TENT5C: variants seen among roughly 807,000 people sequenced by gnomAD.
TENT5C encodes the protein terminal nucleotidyltransferase 5C.
A neutral mutation model predicts 22.2 loss-of-function variants in TENT5C; 5 were observed. The ratio of observed to expected loss-of-function variants is 0.22; its 90% CI spans 0.12 to 0.47. TENT5C has a LOEUF of 0.47. Ranked by LOEUF, TENT5C falls within the 20% of genes least tolerant of loss-of-function variation. The pLI is 0.99. For synonymous variants in TENT5C, 199 were observed against 195.4 expected (o/e 1.02, Z -0.15); for missense variants, 364 against 500.9 (o/e 0.73, Z 2.61).
chr1:117,617,192 C>G (rs1653800996), intron 1 of TENT5C, among the ~76,000 whole-genome samples: 1 of 151,804 alleles, frequency 6.6e-6, no homozygotes, highest in Non-Finnish European at 1.5e-5. Flanking sequence ...TGAAGCAGGA[C>G]TAGAAATAGC....
At chr1:117,608,416 C>T (rs751503568) in intron 1 of TENT5C, among the ~76,000 whole-genome samples, 1 of 152,156 alleles carries the variant, frequency 6.6e-6, no homozygotes, top group South Asian at 2.1e-4. Flanking sequence ...CCCCATAGTG[C>T]ACACATTCAG....
intron 1 of TENT5C, among the ~76,000 whole-genome samples, chr1:117,618,621 T>C (rs913500515): frequency 1.3e-5 from 2 of 152,062 alleles, no homozygotes; most frequent in Admixed American, 6.6e-5. Context: ...AAAAAGGGGA[T>C]TGAAGAAGTT....
At chr1:117,608,763 CTT>C (rs5777320) in intron 1 of TENT5C, among the ~76,000 whole-genome samples, 12,179 of 138,572 alleles carry the variant, frequency 0.088, 564 homozygotes, top group East Asian at 0.18. Context: ...TGAGTTGAAC[CTT>C]TTTTTTTTTT....
At position 117,625,059 on chromosome 1, in the gene TENT5C, C is replaced by G. The variant is rs1286960964; in HGVS notation, c.*1015C>G. The G allele has an allele frequency of 3.2e-5, 8 of 247,496 alleles. No individual in the cohort carries two copies. In the East Asian group the frequency reaches 4.8e-4, roughly 15 times the overall value. 15.3% of individuals were successfully genotyped at this position (247,496 alleles called of 1,614,324 possible). Reference sequence around the variant, plus strand: ...TGGTCACATTCCAAGTATGACACAGCTGTTCTTCTGGAGTACTTTAGCTAT... The same window carrying G: ...TGGTCACATTCCAAGTATGACACAGGTGTTCTTCTGGAGTACTTTAGCTAT... On this transcript the variant is annotated 3_prime_UTR_variant, in exon 2 of 2. Transcript: ENST00000369448.
Position 117,623,225 on chromosome 1 carries a change from C to G in TENT5C, c.357C>G (p.Phe119Leu). The G allele has an allele frequency of 6.2e-7, 1 of 1,614,152 alleles. No individual in the cohort carries two copies. Among genetic ancestry groups the G allele is most frequent in the Non-Finnish European group, 8.5e-7 (1 of 1,180,034 alleles). Residue 119 changes from phenylalanine to leucine, a missense_variant, in exon 2 of 2, where the codon TTC becomes TTG. This residue lies in a region of TENT5C where 303 missense variants were observed against 394.5 expected (regional missense o/e 0.77). Coordinates refer to ENST00000369448, the MANE Select transcript of TENT5C (RefSeq NM_017709.4). ...RDVVLCSLLN[F>L]LPEGVNKLKI... The stretch of plus-strand genomic sequence containing the variant: ...TGGTTCTGTGTTCCCTTCTGAACTT[C>G]CTGCCAGAGGGTGTGAACAAGCTCA...
intron 1 of TENT5C, among the ~76,000 whole-genome samples, chr1:117,612,587 C>G (rs1276585373): frequency 6.6e-6 from 1 of 152,186 alleles, no homozygotes; most frequent in African/African-American, 2.4e-5. Context: ...TAAACATGAG[C>G]TGCTGCTATG....
At chr1:117,618,398 T>G (rs11464707) in intron 1 of TENT5C, among the ~76,000 whole-genome samples, 26,086 of 146,774 alleles carry the variant, frequency 0.18, 2,312 homozygotes, top group Admixed American at 0.26. Flanking sequence ...GAGTCTGAGG[T>G]TTTTTTTTAA....
rs1654009579 is a variant in TENT5C, at chr1:117,626,273, G to T, written c.*2229G>T. 4.0e-6 allele frequency: 1 copy of T among 247,822 alleles called. No individual in the cohort carries two copies. Among genetic ancestry groups the T allele is most frequent in the African/African-American group, 2.2e-5 (1 of 45,374 alleles). 15.4% of individuals were successfully genotyped at this position (247,822 alleles called of 1,614,324 possible). A position where few individuals can be genotyped will look rare whatever the true frequency, so the allele number is the denominator to read the frequency against. ...ATTAAATTTCCAGTTTGTCCTTGGG[G>T]TTCTTTCTGCTTATGTTTTTTCCCC... On this transcript the variant is annotated 3_prime_UTR_variant, in exon 2 of 2. Transcript: ENST00000369448.
chr1:117,615,886 A>G (rs146049776), intron 1 of TENT5C, among the ~76,000 whole-genome samples: 105 of 152,336 alleles, frequency 6.9e-4, no homozygotes, highest in African/African-American at 2.3e-3. Context: ...GGGACGGGGC[A>G]ATGGAAAGAC....
intron 1 of TENT5C, among the ~76,000 whole-genome samples, chr1:117,609,563 G>A (rs1427160419): frequency 6.6e-6 from 1 of 152,200 alleles, no homozygotes; most frequent in East Asian, 1.9e-4. Context: ...TGCTTCCTAG[G>A]CAGTAGCTAG....
chr1:117,606,229 G>A (rs930124032), intron 1 of TENT5C, 76 bp downstream of exon 1: 1 of 152,114 alleles, frequency 6.6e-6, no homozygotes, highest in South Asian at 2.1e-4. Flanking sequence ...CTCACTTAGT[G>A]GGGGTCCGCC....
chr1:117,607,995 A>G (rs1483848890), intron 1 of TENT5C, among the ~76,000 whole-genome samples: 2 of 152,124 alleles, frequency 1.3e-5, no homozygotes, highest in Admixed American at 1.3e-4. Flanking sequence ...TATTCTCAAT[A>G]AAGAGTTTTT....
intron 1 of TENT5C, among the ~76,000 whole-genome samples, chr1:117,615,646 G>T (rs766302683): frequency 1.2e-4 from 19 of 152,198 alleles, no homozygotes; most frequent in Non-Finnish European, 2.8e-4. Context: ...ATTAGCACCT[G>T]CCAGAGAAAA....
intron 1 of TENT5C, among the ~76,000 whole-genome samples, chr1:117,613,773 G>C (rs1653719424): frequency 6.6e-6 from 1 of 152,208 alleles, no homozygotes; most frequent in African/African-American, 2.4e-5. Context: ...GACGCTGGCT[G>C]AATGCAATGG....
At position 117,627,900 on chromosome 1, in the gene TENT5C, T is replaced by G. The variant is rs1241098358; in HGVS notation, c.*3856T>G. 2 of 247,932 alleles carry G rather than the reference T, an allele frequency of 8.1e-6. No homozygotes were observed. Among genetic ancestry groups the G allele is most frequent in the African/African-American group, 4.4e-5 (2 of 45,310 alleles). 15.4% of individuals were successfully genotyped at this position (247,932 alleles called of 1,614,324 possible). On this transcript the variant is annotated 3_prime_UTR_variant, in exon 2 of 2. Coordinates refer to ENST00000369448, the MANE Select transcript of TENT5C (RefSeq NM_017709.4). ...TTCAAGTGCCTAAATCTTGTTTACC[T>G]ATCACTTTAAAAAAATAATTGAAGT...
intron 1 of TENT5C, among the ~76,000 whole-genome samples, chr1:117,614,386 T>C (rs1460993654): frequency 6.6e-6 from 1 of 152,174 alleles, no homozygotes; most frequent in Non-Finnish European, 1.5e-5. Flanking sequence ...CTGGCTCTTT[T>C]CTTATGGGTG....
At chr1:117,612,081 T>C (rs1274524187) in intron 1 of TENT5C, among the ~76,000 whole-genome samples, 1 of 152,224 alleles carries the variant, frequency 6.6e-6, no homozygotes, top group Non-Finnish European at 1.5e-5. Context: ...TGATTCTGCA[T>C]GTGTGGGAGG....
intron 1 of TENT5C, among the ~76,000 whole-genome samples, chr1:117,619,503 CT>C (rs1653851669): frequency 6.6e-6 from 1 of 152,084 alleles, no homozygotes; most frequent in Non-Finnish European, 1.5e-5. Context: ...ATTTTTCCTA[CT>C]TTTGCCTTCT....
chr1:117,616,189 GA>G (rs1459495635), intron 1 of TENT5C, among the ~76,000 whole-genome samples: 1 of 152,178 alleles, frequency 6.6e-6, no homozygotes. Context: ...GTGAAAAAGG[GA>G]TAGTTGTAGA....
Sources: allele counts gnomAD v4.1 joint callset (sites outside exome capture counted in the v4.1 genomes callset), GRCh38; gene constraint gnomAD v4.1.1; regional missense constraint gnomAD v4.1.1; transcripts MANE v1.5; gene names NCBI Gene and HGNC (gene_info 2026-07-23, HGNC 2026-07-21).